The following NTRK1 variants were observed in gnomAD, a reference collection of about 807,000 sequenced individuals.
The protein encoded by NTRK1 is high affinity nerve growth factor receptor.
In NTRK1, 62 loss-of-function variants were observed where a neutral mutation model predicts 86.8. The observed-to-expected ratio is 0.71, with a 90% confidence interval of 0.58 to 0.88. The LOEUF is 0.88. NTRK1 is among the 40% of genes least tolerant of loss of function. The pLI is 0.00. For missense variants in NTRK1, 967 were observed against 1,078.4 expected (o/e 0.90, Z 1.45); for synonymous variants, 469 against 456.6 (o/e 1.03, Z -0.35).
intron 2 of NTRK1, chr1:156,846,469 T>C: frequency 6.9e-7 from 1 of 1,447,912 alleles, no homozygotes; most frequent in Admixed American, 1.7e-5. Flanking sequence ...GCTCCCCTGT[T>C]CTCATGGATG....
intron 14 of NTRK1, 25 bp from the exon 15 acceptor site, chr1:156,879,097 T>A: frequency 6.2e-7 from 1 of 1,612,064 alleles, no homozygotes; most frequent in Non-Finnish European, 8.5e-7. Context: ...TCCCAGCCTA[T>A]CCCCTCTCCT....
At chr1:156,874,320 C>T (rs2102908471) in intron 8 of NTRK1, 63 bp from the exon 9 acceptor site, 1 of 1,610,148 alleles carries the variant, frequency 6.2e-7, no homozygotes, top group Non-Finnish European at 8.5e-7. Flanking sequence ...CACTGCTTTC[C>T]TCCTCCCTCT....
At chr1:156,861,468 C>T (rs940534046) in intron 1 of NTRK1, among the ~76,000 whole-genome samples, 1 of 152,218 alleles carries the variant, frequency 6.6e-6, no homozygotes, top group African/African-American at 2.4e-5. Flanking sequence ...CAGCCAGAAG[C>T]CCCTGCTCTG....
chr1:156,861,187 A>C, intron 1 of NTRK1, 41 bp downstream of exon 1: 1 of 1,530,240 alleles, frequency 6.5e-7, no homozygotes, highest in East Asian at 2.5e-5. Context: ...GGGGACAGGC[A>C]GGCATTGCAG....
At chr1:156,880,365 GC>G in intron 16 of NTRK1, 1 of 619,734 alleles carries the variant, frequency 1.6e-6, no homozygotes, top group Non-Finnish European at 2.8e-6. Flanking sequence ...ACTGTCCTAA[GC>G]CCAGGCCCAG....
chr1:156,856,103 G>A (rs560095646), upstream of NTRK1, among the ~76,000 whole-genome samples: 10 of 151,864 alleles, frequency 6.6e-5, no homozygotes, highest in East Asian at 1.9e-4. Context: ...GCTATCATGC[G>A]TGGCCATATA....
chr1:156,852,076 G>A (rs1195751700), intron 2 of NTRK1: 1 of 1,613,576 alleles, frequency 6.2e-7, no homozygotes, highest in Non-Finnish European at 8.5e-7. Context: ...GGAAGTAGAG[G>A]TGGCGGCAAG....
At chr1:156,855,068 C>T (rs1334436160) in intron 2 of NTRK1, among the ~76,000 whole-genome samples, 1 of 152,106 alleles carries the variant, frequency 6.6e-6, no homozygotes, top group African/African-American at 2.4e-5. Flanking sequence ...GGTCTTTGTC[C>T]TTCTGTTCCT....
At chr1:156,880,571 T>C in intron 16 of NTRK1, 1 of 182,190 alleles carries the variant, frequency 5.5e-6, no homozygotes. Context: ...TCCTACCCCC[T>C]CCCCCTGCCC....
intron 14 of NTRK1, among the ~76,000 whole-genome samples, chr1:156,877,236 T>C (rs1384942394): frequency 6.6e-6 from 1 of 152,238 alleles, no homozygotes; most frequent in East Asian, 1.9e-4. Context: ...ATATATCTTG[T>C]ATAGTAATAT....
intron 16 of NTRK1, 112 bp downstream of exon 16, chr1:156,880,269 G>T (rs41512052): frequency 8.2e-7 from 1 of 1,217,972 alleles, no homozygotes; most frequent in Non-Finnish European, 1.2e-6. Context: ...AGCCTGTTGG[G>T]GGGCCCTTTC....
At chr1:156,828,078 G>A (rs1484965489) in intron 1 of NTRK1, among the ~76,000 whole-genome samples, 2 of 152,166 alleles carry the variant, frequency 1.3e-5, no homozygotes, top group Non-Finnish European at 2.9e-5. Flanking sequence ...CTCCCAAAGT[G>A]TTGGGATTCC....
At chr1:156,819,077 A>T (rs898636030) in intron 1 of NTRK1, among the ~76,000 whole-genome samples, 5 of 152,150 alleles carry the variant, frequency 3.3e-5, no homozygotes, top group Admixed American at 6.5e-5. Context: ...ATCTCGGCTC[A>T]CTGCAACCTC....
At chr1:156,875,944 A>G in intron 12 of NTRK1, 136 bp from the exon 13 acceptor site, 4 of 1,349,730 alleles carry the variant, frequency 3.0e-6, no homozygotes, top group Non-Finnish European at 4.2e-6. Context: ...GAAGGGGTGC[A>G]GGTTGAATTT....
intron 2 of NTRK1, chr1:156,842,389 G>C (rs766405623): frequency 6.2e-7 from 1 of 1,613,366 alleles, no homozygotes; most frequent in South Asian, 1.1e-5. Context: ...GGGTCTTCCT[G>C]GTCCCTACCT....
intron 14 of NTRK1, among the ~76,000 whole-genome samples, chr1:156,877,562 C>A (rs1199067428): frequency 1.3e-5 from 2 of 152,202 alleles, no homozygotes; most frequent in East Asian, 3.8e-4. Context: ...ATGAGATCAC[C>A]CCCGGGAGGA....
rs1655865657 is a variant in NTRK1, at chr1:156,865,136, GGACT to G, written c.359+338_359+341del. The G allele has an allele frequency of 5.9e-5, 22 of 370,550 alleles. 1 individual carries two copies. Among genetic ancestry groups the G allele is most frequent in the South Asian group, 5.3e-4 (21 of 39,260 alleles). 23.0% of individuals were successfully genotyped at this position (370,550 alleles called of 1,614,324 possible). ...GAGCAGGACTCCTGGGTTCTGGCTG[GGACT>G]CCATTTCCCAGGGACTCATTGACTT... On this transcript the variant is annotated intron_variant, in intron 3 of 16. Transcript: ENST00000524377.
chr1:156,816,673 A>G (rs764313805), intron 1 of NTRK1: 1 of 1,601,218 alleles, frequency 6.2e-7, no homozygotes, highest in South Asian at 1.1e-5. Flanking sequence ...CTTCACACTT[A>G]CCTTGGGGAC....
At chr1:156,871,264 C>A (rs541552283) in intron 6 of NTRK1, among the ~76,000 whole-genome samples, 7 of 152,112 alleles carry the variant, frequency 4.6e-5, no homozygotes, top group East Asian at 3.9e-4. Context: ...TAATTAAATA[C>A]GTGATCCAGG....
Sources: gnomAD v4.1 joint callset for allele counts (sites outside exome capture counted in the v4.1 genomes callset) on GRCh38, gnomAD v4.1.1 for gene constraint, MANE v1.5 for transcripts, NCBI Gene and HGNC (gene_info 2026-07-23, HGNC 2026-07-21) for gene names.